The following PLPPR1 variants were observed in gnomAD, a reference collection of about 807,000 sequenced individuals.
PLPPR1 encodes phospholipid phosphatase-related protein type 1.
In PLPPR1, 10 loss-of-function variants were observed where a neutral mutation model predicts 33.1. That is an observed-to-expected ratio of 0.30 (90% CI 0.19 to 0.51). PLPPR1 has a LOEUF of 0.51. Ranked by LOEUF, PLPPR1 falls within the 20% of genes least tolerant of loss-of-function variation. The pLI, the probability that PLPPR1 is intolerant of heterozygous loss-of-function variation, is 0.97. For missense variants in PLPPR1, 304 were observed against 408.1 expected (o/e 0.74, Z 2.20); for synonymous variants, 151 against 151.0 (o/e 1.00, Z 0.00).
At chr9:101,173,774 A>C (rs964395011) in intron 1 of PLPPR1, among the ~76,000 whole-genome samples, 6 of 152,164 alleles carry the variant, frequency 3.9e-5, no homozygotes, top group African/African-American at 1.4e-4. Context: ...TGAAGAGGAC[A>C]TATGGCAAAG....
chr9:101,257,390 A>C (rs1827821430), intron 2 of PLPPR1, among the ~76,000 whole-genome samples: 1 of 152,132 alleles, frequency 6.6e-6, no homozygotes, highest in Non-Finnish European at 1.5e-5. Context: ...ACTCTCACCC[A>C]CTTATTCAAC....
At chr9:101,073,133 A>G (rs1830500060) in intron 1 of PLPPR1, among the ~76,000 whole-genome samples, 1 of 152,240 alleles carries the variant, frequency 6.6e-6, no homozygotes. Context: ...GCACAAAGTA[A>G]TAAATCATGG....
At position 101,317,346 on chromosome 9, in the gene PLPPR1, T is replaced by A. The variant is rs537614041; in HGVS notation, c.814-19T>A. On this transcript the variant is annotated intron_variant, in intron 6 of 7. Transcript: ENST00000374874. ...TGGCTGCAGTCTGACCCCATTCTTT[T>A]TTCCCCCTCATCCTGCAGGGAATGT... 1 of 1,609,638 alleles carries A rather than the reference T, an allele frequency of 6.2e-7. No individual in the cohort carries two copies. The highest frequency in any genetic ancestry group is 1.3e-5 in the African/African-American group (1 of 74,802).
intron 2 of PLPPR1, among the ~76,000 whole-genome samples, chr9:101,228,209 G>T (rs1827110659): frequency 1.3e-5 from 2 of 152,132 alleles, no homozygotes; most frequent in Non-Finnish European, 2.9e-5. Context: ...GGGAGAGCAG[G>T]TGAGAAAAAT....
chr9:101,323,614 T>A (rs1588126999), intron 7 of PLPPR1, among the ~76,000 whole-genome samples: 1 of 149,966 alleles, frequency 6.7e-6, no homozygotes, highest in South Asian at 2.1e-4. Flanking sequence ...CTGGGGCGGG[T>A]GGATCACCTG....
At chr9:101,246,285 TAAA>T (rs1348920841) in intron 2 of PLPPR1, among the ~76,000 whole-genome samples, 1 of 151,272 alleles carries the variant, frequency 6.6e-6, no homozygotes, top group African/African-American at 2.4e-5. Flanking sequence ...GCACATGAAA[TAAA>T]AAACAAAACT....
At chr9:101,099,893 T>C (rs367927677) in intron 1 of PLPPR1, among the ~76,000 whole-genome samples, 2 of 152,230 alleles carry the variant, frequency 1.3e-5, no homozygotes, top group Middle Eastern at 3.4e-3. Context: ...CTGTGCTGTA[T>C]AGAACTGAAA....
rs149852188 is a variant in PLPPR1 at position 101,070,776 on chromosome 9, C to T, written c.-46+41674C>T. Among the ~76,000 whole-genome samples, 56 of 152,180 alleles carry T rather than the reference C, an allele frequency of 3.7e-4. 1 individual carries two copies. The highest frequency in any genetic ancestry group is 1.3e-3 in the African/African-American group (55 of 41,542). On this transcript the variant is annotated intron_variant, in intron 1 of 7. Coordinates refer to ENST00000374874, the MANE Select transcript of PLPPR1 (RefSeq NM_207299.2). ...TAAATAGTGTATTTATTTTGTCTTT[C>T]TTTACTGCACATCCCCACCCTAGAA...
rs1162860043 is a variant in PLPPR1, at chr9:101,238,198, CCCTATATATATA to C, written c.64-31668_64-31657del. 3.8e-5 allele frequency among the ~76,000 whole-genome samples: 5 copies of C among 133,054 alleles called. No homozygotes were observed. In the South Asian group the frequency reaches 7.1e-4, roughly 19 times the overall value. 87.3% of individuals were successfully genotyped at this position (133,054 alleles called of 152,430 possible). A position where few individuals can be genotyped will look rare whatever the true frequency, so the allele number is the denominator to read the frequency against. On this transcript the variant is annotated intron_variant, in intron 2 of 7. Coordinates refer to ENST00000374874, the MANE Select transcript of PLPPR1 (RefSeq NM_207299.2). ...CCTATATATATGCCCTATATATATA[CCCTATATATATA>C]CCTATATATATACACCTCTCTATAT...
chr9:101,321,442 G>C (rs1041811690), intron 7 of PLPPR1, among the ~76,000 whole-genome samples: 2 of 152,064 alleles, frequency 1.3e-5, no homozygotes, highest in East Asian at 1.9e-4. Flanking sequence ...AAATACCATA[G>C]AGAAACCAAA....
chr9:101,295,453 T>G (rs1252781501), intron 4 of PLPPR1, among the ~76,000 whole-genome samples: 1 of 152,100 alleles, frequency 6.6e-6, no homozygotes, highest in Non-Finnish European at 1.5e-5. Flanking sequence ...AAAAACTACT[T>G]TAAAGTTCAT....
At chr9:101,079,982 T>C (rs1830598868) in intron 1 of PLPPR1, among the ~76,000 whole-genome samples, 1 of 152,232 alleles carries the variant, frequency 6.6e-6, no homozygotes, top group Non-Finnish European at 1.5e-5. Flanking sequence ...TGAAATTTCA[T>C]ACAATGTCTT....
intron 1 of PLPPR1, among the ~76,000 whole-genome samples, chr9:101,134,727 T>C (rs1831357938): frequency 6.6e-6 from 1 of 152,106 alleles, no homozygotes; most frequent in South Asian, 2.1e-4. Context: ...GTTCAGTGTA[T>C]GGCAAATAAC....
chr9:101,064,639 CA>C (rs1180566120), intron 1 of PLPPR1, among the ~76,000 whole-genome samples: 3 of 151,984 alleles, frequency 2.0e-5, no homozygotes, highest in African/African-American at 7.2e-5. Context: ...ACATAGACCC[CA>C]ATTCTGGGTA....
chr9:101,204,376 C>T (rs1053447378), intron 2 of PLPPR1, among the ~76,000 whole-genome samples: 6 of 152,150 alleles, frequency 3.9e-5, no homozygotes, highest in African/African-American at 1.4e-4. Context: ...AGGCAATTCA[C>T]ATTCTAGACC....
intron 1 of PLPPR1, among the ~76,000 whole-genome samples, chr9:101,141,446 T>C (rs980802110): frequency 1.3e-5 from 2 of 152,174 alleles, no homozygotes; most frequent in African/African-American, 4.8e-5. Context: ...ATTAGAGAGA[T>C]TAAGTACTTT....
At chr9:101,071,605 GGAGA>G (rs3080736) in intron 1 of PLPPR1, among the ~76,000 whole-genome samples, 5 of 149,112 alleles carry the variant, frequency 3.4e-5, no homozygotes, top group South Asian at 2.1e-4. Flanking sequence ...GGAGTGAGAA[GGAGA>G]GAGAGAGAGA....
At chr9:101,085,723 A>ACG (rs1308903818) in intron 1 of PLPPR1, among the ~76,000 whole-genome samples, 1 of 152,174 alleles carries the variant, frequency 6.6e-6, no homozygotes, top group East Asian at 1.9e-4. Flanking sequence ...GGGACTTTAA[A>ACG]TGAGGCTGGG....
chr9:101,151,742 C>T (rs1158515290), intron 1 of PLPPR1, among the ~76,000 whole-genome samples: 1 of 152,158 alleles, frequency 6.6e-6, no homozygotes, highest in Non-Finnish European at 1.5e-5. Context: ...TGATCTTACC[C>T]TTAGGTCGAA....
Sources: allele counts gnomAD v4.1 joint callset (sites outside exome capture counted in the v4.1 genomes callset), GRCh38; gene constraint gnomAD v4.1.1; transcripts MANE v1.5; gene names NCBI Gene and HGNC (gene_info 2026-07-23, HGNC 2026-07-21).